Variants in NF1 observed in about 807,000 individuals in gnomAD.
NF1 encodes the protein neurofibromin.
A neutral mutation model predicts 325.7 loss-of-function variants in NF1; 122 were observed. The ratio of observed to expected loss-of-function variants is 0.37; its 90% confidence interval spans 0.32 to 0.44. The LOEUF (loss-of-function observed/expected upper bound fraction) is 0.44. NF1 is among the 20% of genes least tolerant of loss of function. The pLI, the probability that NF1 is intolerant of heterozygous loss-of-function variation, is 1.00. For synonymous variants in NF1, 1,091 were observed against 1,186.0 expected, an observed-to-expected ratio of 0.92 and a Z score of 1.65; for missense variants, 2,140 against 3,415.4, an observed-to-expected ratio of 0.63 and a Z score of 9.31.
chr17:31,324,057 GA>G (rs1447667005), intron 36 of NF1, among the ~76,000 whole-genome samples: 2 of 152,000 alleles, frequency 1.3e-5, no homozygotes, highest in African/African-American at 4.8e-5. Context: ...GAGTATGTGT[GA>G]TTTTTTTGGT....
intron 8 of NF1, among the ~76,000 whole-genome samples, chr17:31,184,669 A>T (rs1195002790): frequency 2.7e-5 from 4 of 149,440 alleles, no homozygotes; most frequent in African/African-American, 5.0e-5. Context: ...ATAAAAAAAA[A>T]AAATAAAAAA....
At position 31,337,989 on chromosome 17, in the gene NF1, A is replaced by G. The variant is rs1017789669; in HGVS notation, c.6705-36A>G. Reference sequence around the variant, plus strand: ...TATTATTTAGTATATATAAACACAAAGGTTTTTATAAGTTCTGTGGATCTT... The same window carrying G: ...TATTATTTAGTATATATAAACACAAGGGTTTTTATAAGTTCTGTGGATCTT... On this transcript the variant is annotated intron_variant, in intron 44 of 57. Transcript: ENST00000358273. 6 of 1,560,956 alleles carry G rather than the reference A, an allele frequency of 3.8e-6. No individual in the cohort carries two copies. The African/African-American group carries it at 6.8e-5, about 18-fold the overall frequency.
At chr17:31,330,157 C>T in intron 38 of NF1, 139 bp from the exon 39 acceptor site, 1 of 761,010 alleles carries the variant, frequency 1.3e-6, no homozygotes. Context: ...ATTATAACAT[C>T]TTATTTCTAA....
intron 8 of NF1, among the ~76,000 whole-genome samples, chr17:31,198,937 C>G (rs2066480433): frequency 6.6e-6 from 1 of 152,116 alleles, no homozygotes; most frequent in South Asian, 2.1e-4. Flanking sequence ...ACTTTCATAT[C>G]TGACTTTAGT....
chr17:31,296,162 A>G (rs2068460143), intron 36 of NF1: 1 of 1,612,286 alleles, frequency 6.2e-7, no homozygotes, highest in African/African-American at 1.3e-5. Context: ...TAAATGTATA[A>G]TATTCTCTTG....
At position 31,275,676 on chromosome 17, in the gene NF1, A is replaced by G. The variant is rs1228913464; in HGVS notation, c.4835+10337A>G. On this transcript the variant is annotated intron_variant, in intron 36 of 57. Transcript: ENST00000358273. ...GGTACTACTGTACTTTCCTCATTCA[A>G]AATTGTGTTGTTTCTTCAAGCTCCA... is the stretch of plus-strand genomic sequence containing the variant. Among the ~76,000 whole-genome samples, 4 of 152,210 alleles carry G rather than the reference A, an allele frequency of 2.6e-5. No individual in the cohort carries two copies. In the East Asian group the frequency reaches 7.7e-4, roughly 29 times the overall value.
chr17:31,334,950 T>G lies in NF1; in HGVS notation c.5925T>G (p.Leu1975=), dbSNP rs375776474. Reference sequence around the variant, plus strand: ...AACGACAAAGAGTTACTGCTATTCTTGACAAGCTGATAACAATGACCATCA... The same window carrying G: ...AACGACAAAGAGTTACTGCTATTCTGGACAAGCTGATAACAATGACCATCA... The part of the protein sequence containing the change: ...DAKRQRVTAI[L]DKLITMTINE... Residue 1975 remains leucine (L), a synonymous_variant, in exon 40 of 58, where the codon CTT becomes CTG. Coordinates refer to ENST00000358273, the MANE Select transcript of NF1 (RefSeq NM_001042492.3). 1 of 1,613,764 alleles carries G rather than the reference T, an allele frequency of 6.2e-7. No homozygotes were observed. Among genetic ancestry groups the G allele is most frequent in the Non-Finnish European group, 8.5e-7 (1 of 1,179,954 alleles).
chr17:31,117,234 G>A (rs1353993418), intron 1 of NF1, among the ~76,000 whole-genome samples: 1 of 152,006 alleles, frequency 6.6e-6, no homozygotes, highest in Non-Finnish European at 1.5e-5. Flanking sequence ...TCCTGCCTCA[G>A]CCTCCCAGAG....
intron 5 of NF1, among the ~76,000 whole-genome samples, chr17:31,176,017 T>C (rs1298766171): frequency 2.6e-5 from 4 of 152,240 alleles, no homozygotes; most frequent in Non-Finnish European, 5.9e-5. Flanking sequence ...GAATGATTTG[T>C]AATCCTTTGG....
In NF1 at chr17:31,356,820, T is replaced by C. The variant is rs17884951; in HGVS notation, c.7739-140T>C. On this transcript the variant is annotated intron_variant, in intron 52 of 57. Transcript: ENST00000358273. Reference sequence around the variant, plus strand: ...TAGCCAAAACTTTTGTGTAGGCGAATAGTAATTCTCTATGATGTTTATGTT... The same window carrying C: ...TAGCCAAAACTTTTGTGTAGGCGAACAGTAATTCTCTATGATGTTTATGTT... 2.0e-3 allele frequency: 2,631 copies of C among 1,331,736 alleles called. 39 individuals carry two copies. In the African/African-American group the frequency reaches 0.032, roughly 16 times the overall value. 82.5% of individuals were successfully genotyped at this position (1,331,736 alleles called of 1,614,324 possible).
intron 1 of NF1, among the ~76,000 whole-genome samples, chr17:31,101,499 A>G (rs1912337364): frequency 6.6e-6 from 1 of 152,172 alleles, no homozygotes. Context: ...CCAGCAGTCT[A>G]TTGGGAGCTG....
rs1033427343 is a variant in NF1 at position 31,261,790 on chromosome 17, C to G, written c.4657C>G (p.Pro1553Ala). 2.5e-6 allele frequency: 4 copies of G among 1,612,690 alleles called. No homozygotes were observed. The African/African-American group carries it at 5.3e-5, about 22-fold the overall frequency. ...ATACCTGGGTCCTCCAGAGCACAAA[C>G]CTGTGGCAGATACACACTGGTCCAG... The part of the protein sequence containing the change: ...LAYLGPPEHK[P>A]VADTHWSSLN... The change falls in exon 35 of 58, where the codon CCT (proline) becomes GCT (alanine). Residue 1553 changes from proline to alanine, a missense_variant. This residue lies in a region of NF1 where 103 missense variants were observed against 214.6 expected (regional missense o/e 0.48). Transcript: ENST00000358273.
At position 31,356,541 on chromosome 17, in the gene NF1, C is replaced by T. The variant is rs1218492217; in HGVS notation, c.7697C>T (p.Pro2566Leu). Reference protein sequence around the residue: ...RQEMESGITTPPKMRRVAETD... With the variant: ...RQEMESGITTLPKMRRVAETD... Reference sequence around the variant, plus strand: ...GAAATGGAATCAGGGATCACAACACCCCCCAAAATGAGGAGAGTAGCAGAA... The same window carrying T: ...GAAATGGAATCAGGGATCACAACACTCCCCAAAATGAGGAGAGTAGCAGAA... Residue 2566 changes from proline (P) to leucine (L), a missense_variant, in exon 52 of 58, where the codon CCC (proline) becomes CTC (leucine). Physicochemically the swap from Pro to Leu is moderately conservative, Grantham distance 98. Transcript: ENST00000358273. 2 of 1,613,650 alleles carry T rather than the reference C, an allele frequency of 1.2e-6. No homozygotes were observed. Among genetic ancestry groups the T allele is most frequent in the Admixed American group, 1.7e-5 (1 of 59,994 alleles).
intron 36 of NF1, among the ~76,000 whole-genome samples, chr17:31,270,523 TCACTTGATCC>T (rs2067873504): frequency 1.3e-5 from 2 of 152,078 alleles, no homozygotes. Flanking sequence ...GGTGGGAGGA[TCACTTGATCC>T]TGGGAGGTCA....
At chr17:31,132,278 A>G (rs1360891605) in intron 1 of NF1, among the ~76,000 whole-genome samples, 1 of 151,934 alleles carries the variant, frequency 6.6e-6, no homozygotes, top group Non-Finnish European at 1.5e-5. Context: ...TTGGTGGGTC[A>G]TGCCTGTAAT....
At chr17:31,123,359 T>G (rs1422339379) in intron 1 of NF1, among the ~76,000 whole-genome samples, 1 of 152,252 alleles carries the variant, frequency 6.6e-6, no homozygotes, top group Non-Finnish European at 1.5e-5. Context: ...ATTCTCAATC[T>G]TTCAGAATCC....
intron 1 of NF1, among the ~76,000 whole-genome samples, chr17:31,131,996 T>A (rs536444572): frequency 6.6e-6 from 1 of 152,156 alleles, no homozygotes; most frequent in Non-Finnish European, 1.5e-5. Context: ...AGTGGTGTGA[T>A]CACTGTTCAC....
intron 5 of NF1, 26 bp downstream of exon 5, chr17:31,170,023 GA>G: frequency 6.8e-7 from 1 of 1,478,040 alleles, no homozygotes; most frequent in Non-Finnish European, 9.4e-7. Flanking sequence ...TAATATATCT[GA>G]AAAAAATCAC....
intron 2 of NF1, among the ~76,000 whole-genome samples, chr17:31,158,468 T>C (rs924454268): frequency 3.0e-4 from 45 of 152,190 alleles, no homozygotes; most frequent in Non-Finnish European, 4.9e-4. Flanking sequence ...TTGAAATATT[T>C]TAATATTTGG....
Sources: allele counts gnomAD v4.1 joint callset (sites outside exome capture counted in the v4.1 genomes callset), GRCh38; gene constraint gnomAD v4.1.1; regional missense constraint gnomAD v4.1.1; transcripts MANE v1.5; gene names NCBI Gene and HGNC (gene_info 2026-07-23, HGNC 2026-07-21).